Variants in TNNI3K observed in about 807,000 individuals in gnomAD.
TNNI3K encodes TNNI3 interacting kinase, also known as serine/threonine-protein kinase TNNI3K.
A neutral mutation model predicts 114.5 loss-of-function variants in TNNI3K; 140 were observed. The observed-to-expected ratio is 1.22, with a 90% CI of 1.07 to 1.41. TNNI3K has a LOEUF of 1.41. Among genes scored for constraint, TNNI3K ranks in the 40% most tolerant of loss-of-function variants. The pLI is 0.00. For missense variants in TNNI3K, 1,125 were observed against 1,007.6 expected (o/e 1.12, Z -1.58); for synonymous variants, 347 against 347.5 (o/e 1.00, Z 0.02).
At chr1:74,269,134 A>G (rs498173) in intron 4 of TNNI3K, among the ~76,000 whole-genome samples, 151,577 of 151,976 alleles carry the variant, frequency 1, 75,591 homozygotes, top group Non-Finnish European at 1. Context: ...TTATCTCAAA[A>G]GTCACCTCTG....
At chr1:74,416,076 T>C (rs1349817365) in intron 17 of TNNI3K, among the ~76,000 whole-genome samples, 6 of 152,130 alleles carry the variant, frequency 3.9e-5, no homozygotes, top group African/African-American at 1.4e-4. Context: ...CTGAGATCTT[T>C]GGAGGAAGGT....
At chr1:74,518,310 A>T (rs1395040575) in intron 23 of TNNI3K, among the ~76,000 whole-genome samples, 1 of 152,094 alleles carries the variant, frequency 6.6e-6, no homozygotes, top group Non-Finnish European at 1.5e-5. Flanking sequence ...CTTCTTTTAT[A>T]TTTATTTTCA....
chr1:74,438,991 A>T (rs994735577), intron 19 of TNNI3K: 1 of 152,186 alleles, frequency 6.6e-6, no homozygotes, highest in Non-Finnish European at 1.5e-5. Context: ...CACACTATTT[A>T]TGGGCCTAAT....
At chr1:74,512,633 C>G (rs564216193) in intron 23 of TNNI3K, 1 of 152,264 alleles carries the variant, frequency 6.6e-6, no homozygotes, top group South Asian at 2.1e-4. Flanking sequence ...ATGCCTTATT[C>G]CTCTTTATAT....
At chr1:74,374,176 G>A (rs1289625001) in intron 17 of TNNI3K, 1 of 151,810 alleles carries the variant, frequency 6.6e-6, no homozygotes, top group Non-Finnish European at 1.5e-5. Flanking sequence ...TTGATCCATG[G>A]TTAGTTGAAT....
intron 23 of TNNI3K, among the ~76,000 whole-genome samples, chr1:74,525,820 G>A (rs561536061): frequency 2.6e-5 from 4 of 152,252 alleles, no homozygotes; most frequent in Admixed American, 2.6e-4. Context: ...AACCTGGGTT[G>A]CCCCAGGATT....
chr1:74,271,459 C>A, intron 4 of TNNI3K, 139 bp from the exon 5 acceptor site: 1 of 699,808 alleles, frequency 1.4e-6, no homozygotes, highest in Non-Finnish European at 2.3e-6. Flanking sequence ...ATCTAATGTG[C>A]TCTTATGCTA....
Position 74,445,267 on chromosome 1 carries a change from T to A in TNNI3K, c.2011+5645T>A, listed in dbSNP as rs1331963757. On this transcript the variant is annotated intron_variant, in intron 20 of 24. Coordinates refer to ENST00000326637, the MANE Select transcript of TNNI3K (RefSeq NM_015978.3). ...TAAGTTTTAGGGTACATGTGCACAT[T>A]GTGCAGGTTAGTTACATATGTATAC... is the stretch of plus-strand genomic sequence containing the variant. 4.7e-5 allele frequency among the ~76,000 whole-genome samples: 7 copies of A among 149,928 alleles called. No individual in the cohort carries two copies. In the East Asian group the frequency reaches 1.4e-3, roughly 29 times the overall value.
intron 9 of TNNI3K, 118 bp downstream of exon 9, chr1:74,343,297 C>A: frequency 8.9e-7 from 1 of 1,122,348 alleles, no homozygotes; most frequent in Non-Finnish European, 1.3e-6. Context: ...AGAGCAATAG[C>A]AGAGGTAGGG....
rs117426248 is a variant in TNNI3K, at chr1:74,340,561, G to A, written c.683-2281G>A. 3.9e-5 allele frequency among the ~76,000 whole-genome samples: 6 copies of A among 152,196 alleles called. No individual in the cohort carries two copies. The East Asian group carries it at 7.7e-4, about 20-fold the overall frequency. ...AGTTGGTATTTACATCTTCTTTGAT[G>A]GGAATAATGTTTCAGCCACTGTGGA... On this transcript the variant is annotated intron_variant, in intron 7 of 24. Coordinates refer to ENST00000326637, the MANE Select transcript of TNNI3K (RefSeq NM_015978.3).
chr1:74,326,234 G>C (rs1659894165), intron 5 of TNNI3K, among the ~76,000 whole-genome samples: 1 of 152,184 alleles, frequency 6.6e-6, no homozygotes, highest in Non-Finnish European at 1.5e-5. Flanking sequence ...AACTGAGATT[G>C]ATTGCCATTT....
intron 21 of TNNI3K, among the ~76,000 whole-genome samples, chr1:74,476,454 C>T (rs961175461): frequency 2.6e-5 from 4 of 152,080 alleles, no homozygotes; most frequent in African/African-American, 4.8e-5. Context: ...TATGCTTGTT[C>T]GCAGACTGTC....
chr1:74,367,789 T>C, intron 12 of TNNI3K, 119 bp from the exon 13 acceptor site: 1 of 885,658 alleles, frequency 1.1e-6, no homozygotes, highest in Non-Finnish European at 1.7e-6. Flanking sequence ...AGAGAAAGAT[T>C]TGGGCCTGAA....
chr1:74,270,698 C>G (rs941897319), intron 4 of TNNI3K, among the ~76,000 whole-genome samples: 1 of 151,634 alleles, frequency 6.6e-6, no homozygotes, highest in African/African-American at 2.4e-5. Context: ...AATGCACTGG[C>G]CTATCTTATG....
chr1:74,429,634 C>T (rs1044201606), intron 17 of TNNI3K, among the ~76,000 whole-genome samples: 5 of 152,144 alleles, frequency 3.3e-5, no homozygotes, highest in Admixed American at 2.6e-4. Flanking sequence ...TGAGCCATCA[C>T]ATAGCTCTAA....
chr1:74,411,566 A>C (rs1366070116), intron 17 of TNNI3K, among the ~76,000 whole-genome samples: 1 of 152,066 alleles, frequency 6.6e-6, no homozygotes, highest in Non-Finnish European at 1.5e-5. Context: ...AAGACCCCTG[A>C]CTGCTGCCTG....
At chr1:74,386,213 G>A (rs1663471161) in intron 17 of TNNI3K, among the ~76,000 whole-genome samples, 1 of 152,030 alleles carries the variant, frequency 6.6e-6, no homozygotes, top group African/African-American at 2.4e-5. Flanking sequence ...AAATTACCCA[G>A]TATTGTGTAC....
intron 5 of TNNI3K, among the ~76,000 whole-genome samples, chr1:74,277,691 C>T (rs1472006186): frequency 1.3e-5 from 2 of 152,192 alleles, no homozygotes; most frequent in African/African-American, 2.4e-5. Flanking sequence ...AATCAGTTTT[C>T]TGCAGCCGTT....
At chr1:74,285,830 CAAAA>C (rs1425614629) in intron 5 of TNNI3K, among the ~76,000 whole-genome samples, 1 of 152,116 alleles carries the variant, frequency 6.6e-6, no homozygotes, top group Non-Finnish European at 1.5e-5. Flanking sequence ...AAGTAGCTTA[CAAAA>C]TTACAAGCAA....
Sources: gnomAD v4.1 joint callset for allele counts (sites outside exome capture counted in the v4.1 genomes callset) on GRCh38, gnomAD v4.1.1 for gene constraint, MANE v1.5 for transcripts, NCBI Gene and HGNC (gene_info 2026-07-23, HGNC 2026-07-21) for gene names.